The following PPM1E variants were observed in gnomAD, a reference collection of about 807,000 sequenced individuals.
PPM1E encodes the protein protein phosphatase 1E.
PPM1E carries 20 observed loss-of-function variants against 65.9 expected under a neutral mutation model. The observed-to-expected ratio is 0.30, with a 90% CI of 0.21 to 0.44. The LOEUF (loss-of-function observed/expected upper bound fraction) is 0.44, where lower values mean the gene tolerates loss of function less well. PPM1E is among the 20% of genes least tolerant of loss of function. The pLI, the probability that PPM1E is intolerant of heterozygous loss-of-function variation, is 1.00. For synonymous variants in PPM1E, 352 were observed against 374.9 expected, an observed-to-expected ratio of 0.94 and a Z score of 0.70; for missense variants, 713 against 953.1, an observed-to-expected ratio of 0.75 and a Z score of 3.32.
chr17:58,776,204 G>C (rs2049992892), intron 1 of PPM1E, among the ~76,000 whole-genome samples: 1 of 151,858 alleles, frequency 6.6e-6, no homozygotes, highest in African/African-American at 2.4e-5. Flanking sequence ...GTGCGCCTCT[G>C]TAGTCCCAGC....
intron 1 of PPM1E, among the ~76,000 whole-genome samples, chr17:58,857,908 G>A (rs1332504414): frequency 6.6e-6 from 1 of 152,088 alleles, no homozygotes; most frequent in Non-Finnish European, 1.5e-5. Flanking sequence ...TGTGTTTACT[G>A]TAAACTGCTA....
intron 1 of PPM1E, among the ~76,000 whole-genome samples, chr17:58,817,814 C>A (rs7217923): frequency 6.6e-6 from 1 of 151,638 alleles, no homozygotes; most frequent in Non-Finnish European, 1.5e-5. Flanking sequence ...TGCAGTGGCA[C>A]GATCTCCGCT....
At chr17:58,921,618 C>T (rs1335265423) in intron 1 of PPM1E, among the ~76,000 whole-genome samples, 4 of 149,968 alleles carry the variant, frequency 2.7e-5, no homozygotes, top group Admixed American at 6.7e-5. Flanking sequence ...GAGCCGTGAT[C>T]GTGCCACTGC....
intron 1 of PPM1E, among the ~76,000 whole-genome samples, chr17:58,765,224 C>G (rs965369774): frequency 1.8e-4 from 26 of 147,892 alleles, no homozygotes; most frequent in African/African-American, 6.1e-4. Context: ...TGTCACCAAG[C>G]TGGAGTGCAG....
At chr17:58,853,026 A>C (rs2050844036) in intron 1 of PPM1E, among the ~76,000 whole-genome samples, 1 of 152,064 alleles carries the variant, frequency 6.6e-6, no homozygotes, top group Admixed American at 6.6e-5. Context: ...ATGATTTGCA[A>C]ATATGTTCTC....
At chr17:58,901,069 AGGCTTTTACCACC>A (rs2051492751) in intron 1 of PPM1E, among the ~76,000 whole-genome samples, 1 of 152,202 alleles carries the variant, frequency 6.6e-6, no homozygotes, top group African/African-American at 2.4e-5. Context: ...TCCAAAATCC[AGGCTTTTACCACC>A]ACATCATGCC....
At chr17:58,837,179 G>C (rs960381642) in intron 1 of PPM1E, among the ~76,000 whole-genome samples, 1 of 149,124 alleles carries the variant, frequency 6.7e-6, no homozygotes, top group East Asian at 2.0e-4. Flanking sequence ...GAGCCCAGGA[G>C]TTGGAGGTTA....
intron 1 of PPM1E, among the ~76,000 whole-genome samples, chr17:58,857,504 A>C (rs12949138): frequency 0.25 from 37,805 of 151,948 alleles, 5,460 homozygotes; most frequent in Middle Eastern, 0.42. Context: ...TCTATCTGTA[A>C]GGTTAATAGG....
chr17:58,842,893 G>A (rs1190347573), intron 1 of PPM1E, among the ~76,000 whole-genome samples: 4 of 152,098 alleles, frequency 2.6e-5, no homozygotes, highest in Non-Finnish European at 4.4e-5. Context: ...AGCCAAGATC[G>A]TGCCATTGCA....
chr17:58,780,258 C>T (rs1251108885), intron 1 of PPM1E, among the ~76,000 whole-genome samples: 1 of 152,154 alleles, frequency 6.6e-6, no homozygotes, highest in Non-Finnish European at 1.5e-5. Flanking sequence ...CCTGTAATCC[C>T]AGCACTTTGG....
At chr17:58,796,887 C>T (rs1349473284) in intron 1 of PPM1E, among the ~76,000 whole-genome samples, 1 of 152,128 alleles carries the variant, frequency 6.6e-6, no homozygotes, top group African/African-American at 2.4e-5. Context: ...GGGTGGATCA[C>T]CTGAGGTCAG....
At chr17:58,828,985 A>G (rs1378841522) in intron 1 of PPM1E, among the ~76,000 whole-genome samples, 11 of 152,162 alleles carry the variant, frequency 7.2e-5, no homozygotes, top group Admixed American at 7.2e-4. Flanking sequence ...ACATTGTTTG[A>G]ATTATGTATA....
In PPM1E at chr17:58,763,750, G is replaced by A. The variant is rs529745620; in HGVS notation, c.464+7289G>A. ...TTGCTACCATTTGAACTGCCATACC[G>A]TGAAGCTTGTATTTTAACACAGTTG... On this transcript the variant is annotated intron_variant, in intron 1 of 6. Coordinates refer to ENST00000308249, the MANE Select transcript of PPM1E (RefSeq NM_014906.5). Among the ~76,000 whole-genome samples, 11 of 152,194 alleles carry A rather than the reference G, an allele frequency of 7.2e-5. 1 individual carries two copies. The South Asian group carries it at 1.7e-3, about 23-fold the overall frequency.
intron 1 of PPM1E, among the ~76,000 whole-genome samples, chr17:58,933,419 C>A (rs2051928812): frequency 6.6e-6 from 1 of 152,082 alleles, no homozygotes; most frequent in Admixed American, 6.6e-5. Context: ...AACTAAGATG[C>A]CTTCTACCAT....
intron 1 of PPM1E, among the ~76,000 whole-genome samples, chr17:58,885,505 T>G (rs763190472): frequency 1.3e-5 from 2 of 152,194 alleles, no homozygotes; most frequent in Non-Finnish European, 2.9e-5. Context: ...ATAAAACTAA[T>G]TGTGGAGTAA....
chr17:58,864,769 G>C (rs9905764), intron 1 of PPM1E, among the ~76,000 whole-genome samples: 96,099 of 151,186 alleles, frequency 0.64, 30,835 homozygotes, highest in African/African-American at 0.71. Flanking sequence ...AACCCCATCT[G>C]TACTGAAAAT....
chr17:58,851,567 G>A (rs1336640736), intron 1 of PPM1E, among the ~76,000 whole-genome samples: 2 of 152,164 alleles, frequency 1.3e-5, no homozygotes, highest in Admixed American at 6.5e-5. Context: ...GTTTGCCTGG[G>A]TATCACCAGC....
At position 58,915,800 on chromosome 17, in the gene PPM1E, A is replaced by G. The variant is rs150521473; in HGVS notation, c.465-39849A>G. Among the ~76,000 whole-genome samples the G allele has an allele frequency of 2.0e-5, 3 of 152,278 alleles. No homozygotes were observed. In the East Asian group the frequency reaches 5.8e-4, roughly 29 times the overall value. On this transcript the variant is annotated intron_variant, in intron 1 of 6. Coordinates refer to ENST00000308249, the MANE Select transcript of PPM1E (RefSeq NM_014906.5). ...TATTAAAATGCATTGTAGCTTACCT[A>G]CTTTGCAATGTGGAATGGAATTAAT...
intron 1 of PPM1E, among the ~76,000 whole-genome samples, chr17:58,814,608 A>G (rs934878172): frequency 1.3e-5 from 2 of 152,190 alleles, no homozygotes; most frequent in Non-Finnish European, 2.9e-5. Context: ...GGGCTGCTGC[A>G]TAGACTGTAC....
Sources: allele counts gnomAD v4.1 joint callset (sites outside exome capture counted in the v4.1 genomes callset), GRCh38; gene constraint gnomAD v4.1.1; transcripts MANE v1.5; gene names NCBI Gene and HGNC (gene_info 2026-07-23, HGNC 2026-07-21).